EDAR: variants seen among roughly 807,000 people sequenced by gnomAD.
EDAR encodes the protein tumor necrosis factor receptor superfamily member EDAR.
In EDAR, 38 loss-of-function variants were observed where a neutral mutation model predicts 51.3. That is an observed-to-expected ratio of 0.74 (90% confidence interval 0.57 to 0.97). The LOEUF is 0.97. Ranked by LOEUF, EDAR falls within the 50% of genes least tolerant of loss-of-function variation. EDAR has a pLI of 0.00. For missense variants in EDAR, 528 were observed against 595.0 expected (o/e 0.89, Z 1.17); for synonymous variants, 227 against 242.1 (o/e 0.94, Z 0.58).
chr2:108,906,864 G>C (rs1696816322), intron 10 of EDAR, among the ~76,000 whole-genome samples: 1 of 152,204 alleles, frequency 6.6e-6, no homozygotes, highest in African/African-American at 2.4e-5. Flanking sequence ...GCAAGTGGCA[G>C]CCCCATTACA....
At chr2:108,947,566 C>T (rs913560387) in intron 1 of EDAR, among the ~76,000 whole-genome samples, 1 of 152,184 alleles carries the variant, frequency 6.6e-6, no homozygotes, top group Non-Finnish European at 1.5e-5. Flanking sequence ...ACTCCCAAAG[C>T]TCAATTCTTG....
intron 1 of EDAR, among the ~76,000 whole-genome samples, chr2:108,947,058 T>C (rs115957039): frequency 0.032 from 4,810 of 152,264 alleles, 140 homozygotes; most frequent in African/African-American, 0.083. Context: ...ACTTCCAAGA[T>C]ACAATGGAGA....
At chr2:108,922,608 AG>A (rs758396918) in intron 5 of EDAR, among the ~76,000 whole-genome samples, 1 of 152,118 alleles carries the variant, frequency 6.6e-6, no homozygotes. Flanking sequence ...ACATGGGGGT[AG>A]TGGCGCCTTA....
chr2:108,923,406 C>A lies in EDAR; in HGVS notation c.404G>T (p.Cys135Phe), dbSNP rs1482191386. The change falls in exon 5 of 12, where the codon TGC becomes TTC. Residue 135 changes from cysteine (C) to phenylalanine (F), a missense_variant. By Grantham distance (205) the Cys-to-Phe change is radical. Transcript: ENST00000258443. ...GGGGGGTGCCAGGAGGCAGGAGTAG[C>A]AGACCATGCCATAGATGTTCCTCGG... ...NRPRNIYGMVCYSCLLAPPNT... is the reference protein window; with the variant it reads ...NRPRNIYGMVFYSCLLAPPNT... The A allele has an allele frequency of 6.2e-7, 1 of 1,614,088 alleles. No individual in the cohort carries two copies. Among genetic ancestry groups the A allele is most frequent in the African/African-American group, 1.3e-5 (1 of 74,924 alleles).
intron 9 of EDAR, among the ~76,000 whole-genome samples, chr2:108,908,883 A>G (rs530048635): frequency 2.0e-5 from 3 of 152,274 alleles, no homozygotes; most frequent in African/African-American, 4.8e-5. Flanking sequence ...TACAAAGACA[A>G]TGAGAACCAT....
chr2:108,904,502 A>C (rs535674360), intron 11 of EDAR, among the ~76,000 whole-genome samples: 96 of 152,308 alleles, frequency 6.3e-4, no homozygotes, highest in African/African-American at 2.3e-3. Flanking sequence ...CCACACAAAA[A>C]CCTATACACA....
intron 6 of EDAR, among the ~76,000 whole-genome samples, chr2:108,911,907 A>G (rs1696935025): frequency 6.6e-6 from 1 of 152,190 alleles, no homozygotes; most frequent in Non-Finnish European, 1.5e-5. Flanking sequence ...TCTGGGGAAT[A>G]CCTGTAATAG....
chr2:108,979,467 T>TCTCACACACACACA (rs1159379988), intron 1 of EDAR, among the ~76,000 whole-genome samples: 14 of 147,222 alleles, frequency 9.5e-5, no homozygotes, highest in African/African-American at 2.8e-4. Context: ...TCTCTCTCTC[T>TCTCACACACACACA]CACACACACA....
At chr2:108,905,301 G>A (rs1412350909) in intron 11 of EDAR, among the ~76,000 whole-genome samples, 2 of 152,160 alleles carry the variant, frequency 1.3e-5, no homozygotes, top group Admixed American at 6.5e-5. Context: ...TGGATGGAAG[G>A]TGAGTCCTAG....
At chr2:108,914,096 A>G (rs1406066084) in intron 5 of EDAR, among the ~76,000 whole-genome samples, 1 of 151,752 alleles carries the variant, frequency 6.6e-6, no homozygotes, top group Non-Finnish European at 1.5e-5. Context: ...CCGCATCTCT[A>G]CTGAATACAA....
chr2:108,982,349 C>T (rs720107), intron 1 of EDAR, among the ~76,000 whole-genome samples: 67,695 of 152,118 alleles, frequency 0.45, 17,665 homozygotes, highest in South Asian at 0.6. Context: ...TGGTGGGAGG[C>T]TGTCCTGCCA....
In EDAR at chr2:108,906,469, C is replaced by T. The variant is rs527422894; in HGVS notation, c.964-101G>A. Reference sequence around the variant, plus strand: ...AGGGGCAGGCAGCAGCTACGCCCAACACCAGAGACGCTGCACACAGCCCCC... The same window carrying T: ...AGGGGCAGGCAGCAGCTACGCCCAATACCAGAGACGCTGCACACAGCCCCC... On this transcript the variant is annotated intron_variant, in intron 10 of 11. Coordinates refer to ENST00000258443, the MANE Select transcript of EDAR (RefSeq NM_022336.4). 4 of 1,214,066 alleles carry T rather than the reference C, an allele frequency of 3.3e-6. No homozygotes were observed. In the East Asian group the frequency reaches 7.1e-5, roughly 22 times the overall value. 75.2% of individuals were successfully genotyped at this position (1,214,066 alleles called of 1,614,324 possible).
intron 5 of EDAR, among the ~76,000 whole-genome samples, chr2:108,918,756 G>A (rs1197799307): frequency 6.6e-6 from 1 of 152,192 alleles, no homozygotes; most frequent in East Asian, 1.9e-4. Flanking sequence ...TCATATGGGG[G>A]TCTTTGAGGT....
rs991931867 is a variant in EDAR, at chr2:108,895,791, C to T, written c.*1116G>A. ...GCTCCCTCGACATCAAGCCCAGGCTCTCATTTGCGCTGCAGAACTCCACTT... is the reference window on the plus strand; with the variant it reads ...GCTCCCTCGACATCAAGCCCAGGCTTTCATTTGCGCTGCAGAACTCCACTT... On this transcript the variant is annotated 3_prime_UTR_variant, in exon 12 of 12. Transcript: ENST00000258443. The T allele has an allele frequency of 3.9e-5, 6 of 152,232 alleles. No homozygotes were observed. Among genetic ancestry groups the T allele is most frequent in the African/African-American group, 9.6e-5 (4 of 41,458 alleles). 9.4% of individuals were successfully genotyped at this position (152,232 alleles called of 1,614,324 possible). A position where few individuals can be genotyped will look rare whatever the true frequency, so the allele number is the denominator to read the frequency against.
At chr2:108,961,321 T>G (rs1191135773) in intron 1 of EDAR, among the ~76,000 whole-genome samples, 2 of 152,176 alleles carry the variant, frequency 1.3e-5, no homozygotes, top group Non-Finnish European at 2.9e-5. Flanking sequence ...TGGAGGCCTC[T>G]GCCCCCAGGA....
At chr2:108,908,052 G>T (rs746653429) in intron 9 of EDAR, 33 bp from the exon 10 acceptor site, 47 of 1,580,182 alleles carry the variant, frequency 3.0e-5, no homozygotes, top group Non-Finnish European at 3.9e-5. Flanking sequence ...CATTAGCAGT[G>T]CCTGGGGGGG....
intron 1 of EDAR, among the ~76,000 whole-genome samples, chr2:108,984,335 C>T (rs756911159): frequency 6.6e-5 from 10 of 152,084 alleles, no homozygotes; most frequent in Non-Finnish European, 1.5e-4. Flanking sequence ...ACTGACTGTC[C>T]CAGAACAACA....
At chr2:108,917,979 GA>G (rs1378422386) in intron 5 of EDAR, among the ~76,000 whole-genome samples, 1 of 152,106 alleles carries the variant, frequency 6.6e-6, no homozygotes, top group Non-Finnish European at 1.5e-5. Flanking sequence ...CTAAATGCTT[GA>G]AAAAAATCCA....
intron 1 of EDAR, among the ~76,000 whole-genome samples, chr2:108,958,849 C>G (rs2104395324): frequency 8.8e-6 from 1 of 113,260 alleles, no homozygotes; most frequent in Admixed American, 1.0e-4. Context: ...AGTGGGCTCT[C>G]CAGGCTCATG....
Sources: gnomAD v4.1 joint callset for allele counts (sites outside exome capture counted in the v4.1 genomes callset) on GRCh38, gnomAD v4.1.1 for gene constraint, MANE v1.5 for transcripts, NCBI Gene and HGNC (gene_info 2026-07-23, HGNC 2026-07-21) for gene names.